PPFIBP2: variants seen among roughly 807,000 people sequenced by gnomAD.
The protein encoded by PPFIBP2 is liprin-beta-2.
PPFIBP2 carries 118 observed loss-of-function variants against 118.3 expected under a neutral mutation model. The observed-to-expected ratio is 1.00, with a 90% CI of 0.86 to 1.16. The LOEUF (loss-of-function observed/expected upper bound fraction) is 1.16. PPFIBP2 is among the 50% of genes most tolerant of loss of function. PPFIBP2 has a pLI of 0.00. For missense variants in PPFIBP2, 1,195 were observed against 1,073.1 expected (o/e 1.11, Z -1.59); for synonymous variants, 414 against 397.4 (o/e 1.04, Z -0.50).
intron 5 of PPFIBP2, among the ~76,000 whole-genome samples, chr11:7,602,039 GC>G (rs1407496997): frequency 7.3e-6 from 1 of 136,692 alleles, no homozygotes; most frequent in African/African-American, 2.8e-5. Flanking sequence ...GTTGCAGTGA[GC>G]CAAGATCACG....
rs574752066 is a variant in PPFIBP2, at chr11:7,563,454, A to G, written c.65-2099A>G. On this transcript the variant is annotated intron_variant, in intron 2 of 23. Coordinates refer to ENST00000299492, the MANE Select transcript of PPFIBP2 (RefSeq NM_003621.5). ...CCCAGAGCCTCTGACTTGTTTGTGG[A>G]TGGTGATCCATGATTCCCTGTATCA... 2.6e-5 allele frequency among the ~76,000 whole-genome samples: 4 copies of G among 152,296 alleles called. No individual in the cohort carries two copies. The East Asian group carries it at 7.7e-4, about 29-fold the overall frequency.
chr11:7,517,815 A>G (rs1471409673), intron 1 of PPFIBP2, among the ~76,000 whole-genome samples: 1 of 152,196 alleles, frequency 6.6e-6, no homozygotes, highest in African/African-American at 2.4e-5. Context: ...CCAGGGCACC[A>G]TCAGTCTTCA....
chr11:7,598,421 A>C (rs1860800098), intron 5 of PPFIBP2: 1 of 153,636 alleles, frequency 6.5e-6, no homozygotes, highest in Admixed American at 6.5e-5. Flanking sequence ...ATAAATAATG[A>C]GCTACAATTT....
Position 7,650,847 on chromosome 11 carries a change from T to G in PPFIBP2, c.2129T>G (p.Leu710Arg). The G allele has an allele frequency of 6.2e-7, 1 of 1,613,828 alleles. No individual in the cohort carries two copies. Among genetic ancestry groups the G allele is most frequent in the Non-Finnish European group, 8.5e-7 (1 of 1,179,770 alleles). ...LHRRPADESN[L>R]SPSEVVQWSN... ...TCCTTCTCCCTCTGACAGAGTAACC[T>G]TTCTCCTTCAGAAGTTGTACAGTGG... The change falls in exon 22 of 24, where the codon CTT (leucine) becomes CGT (arginine). Residue 710 changes from leucine to arginine, a missense_variant. By Grantham distance (102) the Leu-to-Arg change is moderately radical (BLOSUM62 -2). Transcript: ENST00000299492.
intron 22 of PPFIBP2, chr11:7,651,416 G>C: frequency 2.2e-6 from 1 of 456,484 alleles, no homozygotes; most frequent in Non-Finnish European, 3.9e-6. Flanking sequence ...CCTCACCAAA[G>C]AGGTCCCAGT....
chr11:7,657,999 C>A (rs2136086011), downstream of PPFIBP2, among the ~76,000 whole-genome samples: 1 of 152,332 alleles, frequency 6.6e-6, no homozygotes, highest in Middle Eastern at 3.4e-3. Flanking sequence ...ACCTTCCATG[C>A]CAGGGCTAGA....
chr11:7,554,441 T>C (rs892609444), intron 2 of PPFIBP2, among the ~76,000 whole-genome samples: 3 of 152,160 alleles, frequency 2.0e-5, no homozygotes, highest in African/African-American at 7.2e-5. Flanking sequence ...AGAGTGCACT[T>C]TGGGCATGTG....
chr11:7,522,836 T>C (rs1201789191), intron 1 of PPFIBP2, among the ~76,000 whole-genome samples: 3 of 152,214 alleles, frequency 2.0e-5, no homozygotes, highest in African/African-American at 7.2e-5. Context: ...ATACTTATTA[T>C]GCTCAATGTG....
intron 1 of PPFIBP2, among the ~76,000 whole-genome samples, chr11:7,546,953 A>G (rs1309388084): frequency 1.3e-5 from 2 of 152,364 alleles, no homozygotes; most frequent in Middle Eastern, 3.4e-3. Context: ...CTGATTTATC[A>G]GTATCCTTCT....
At chr11:7,593,091 C>T in intron 3 of PPFIBP2, 41 bp from the exon 4 acceptor site, 2 of 1,600,068 alleles carry the variant, frequency 1.2e-6, no homozygotes, top group East Asian at 2.2e-5. Context: ...AGATGTTTTT[C>T]CAACCTTTTA....
At chr11:7,665,959 A>G in the PPFIBP2 span, 1 of 1,519,022 alleles carries the variant, frequency 6.6e-7, no homozygotes, top group Non-Finnish European at 8.8e-7. Context: ...AAGCAGGTAC[A>G]GCCGGGAGCA....
chr11:7,608,532 C>T (rs918684966), intron 5 of PPFIBP2, among the ~76,000 whole-genome samples: 1 of 152,228 alleles, frequency 6.6e-6, no homozygotes, highest in South Asian at 2.1e-4. Context: ...CCCGGCTACT[C>T]GGGAGGCTGA....
chr11:7,607,161 C>T (rs569004426), intron 5 of PPFIBP2, among the ~76,000 whole-genome samples: 157 of 149,888 alleles, frequency 1.0e-3, no homozygotes, highest in Non-Finnish European at 1.6e-3. Flanking sequence ...CCGCCCGCCT[C>T]GGCCTCCCAA....
At chr11:7,577,287 C>T (rs1261463643) in intron 3 of PPFIBP2, 4 of 214,480 alleles carry the variant, frequency 1.9e-5, no homozygotes, top group Non-Finnish European at 3.8e-5. Context: ...GGCTCTGAAT[C>T]CCAGTCCTGG....
chr11:7,548,863 G>A (rs976698657), intron 1 of PPFIBP2, among the ~76,000 whole-genome samples: 1 of 152,160 alleles, frequency 6.6e-6, no homozygotes, highest in Non-Finnish European at 1.5e-5. Flanking sequence ...CATCCTTGTG[G>A]CCTGTAGACT....
At chr11:7,553,025 G>T (rs1472028658) in intron 2 of PPFIBP2, among the ~76,000 whole-genome samples, 1 of 152,074 alleles carries the variant, frequency 6.6e-6, no homozygotes, top group African/African-American at 2.4e-5. Flanking sequence ...GGTGGTTTTA[G>T]GCATTTTAGT....
chr11:7,578,519 C>T (rs889103204), intron 3 of PPFIBP2, among the ~76,000 whole-genome samples: 1 of 152,224 alleles, frequency 6.6e-6, no homozygotes, highest in African/African-American at 2.4e-5. Context: ...TGCAGCAGCA[C>T]TCATTCAGCA....
chr11:7,595,861 A>G (rs1860186516), intron 4 of PPFIBP2, among the ~76,000 whole-genome samples: 1 of 151,404 alleles, frequency 6.6e-6, no homozygotes, highest in Admixed American at 6.6e-5. Flanking sequence ...CTTCATTATA[A>G]TGTAACTCCT....
In PPFIBP2 at chr11:7,653,592, T is replaced by G; in HGVS notation, c.*374T>G. On this transcript the variant is annotated 3_prime_UTR_variant, in exon 24 of 24. Transcript: ENST00000299492. ...CTCTCAGGCACCCCCTACACTTCAG[T>G]TGAGGGAAAAGCTCAAGTGCCTTAG... The G allele has an allele frequency of 1.5e-6, 2 of 1,301,620 alleles. No individual in the cohort carries two copies. The highest frequency in any genetic ancestry group is 1.0e-6 in the Non-Finnish European group (1 of 997,412). The allele number at this position is 1,301,620 out of a possible 1,614,324, so 80.6% of individuals were successfully genotyped here. A position where few individuals can be genotyped will look rare whatever the true frequency, so the allele number is the denominator to read the frequency against.
Sources: allele counts gnomAD v4.1 joint callset (sites outside exome capture counted in the v4.1 genomes callset), GRCh38; gene constraint gnomAD v4.1.1; transcripts MANE v1.5; gene names NCBI Gene and HGNC (gene_info 2026-07-23, HGNC 2026-07-21).